Variants in CCM2 observed in about 807,000 individuals in gnomAD.
CCM2 encodes cerebral cavernous malformations 2 protein.
CCM2 carries 25 observed loss-of-function variants against 44.9 expected under a neutral mutation model. The ratio of observed to expected loss-of-function variants is 0.56; its 90% CI spans 0.41 to 0.78. The LOEUF (loss-of-function observed/expected upper bound fraction) is 0.78, where lower values mean the gene tolerates loss of function less well. Among genes scored for constraint, CCM2 ranks in the 30% least tolerant of loss-of-function variants. The pLI, the probability that CCM2 is intolerant of heterozygous loss-of-function variation, is 0.00. For synonymous variants in CCM2, 219 were observed against 241.1 expected, an observed-to-expected ratio of 0.91 and a Z score of 0.85; for missense variants, 481 against 580.6, an observed-to-expected ratio of 0.83 and a Z score of 1.76.
chr7:45,023,787 GTTTTTTTTTTTTTTT>G (rs10596429), intron 1 of CCM2, among the ~76,000 whole-genome samples: 7 of 58,640 alleles, frequency 1.2e-4, no homozygotes, highest in Admixed American at 2.4e-4. Flanking sequence ...CTCTGTATCA[GTTTTTTTTTTTTTTT>G]TTTTTTTTTT....
chr7:45,051,491 G>A (rs911223730), intron 2 of CCM2, among the ~76,000 whole-genome samples: 4 of 152,130 alleles, frequency 2.6e-5, no homozygotes, highest in Admixed American at 1.3e-4. Flanking sequence ...TCTGCCTCCC[G>A]GGTTCATGCC....
At position 45,073,465 on chromosome 7, in the gene CCM2, T is replaced by G. The variant is rs924887021; in HGVS notation, c.809T>G (p.Phe270Cys). ...CATACCACATTCTTTCGCAGCTGCT[T>G]CCCTGAATCTGTGGATGTGGGTGGT... ...TYEVEASTFC[F>C]PESVDVGGAS... The change falls in exon 8 of 10, where the codon TTC becomes TGC. Residue 270 changes from phenylalanine to cysteine, a missense_variant. By Grantham distance (205) the Phe-to-Cys change is radical. Coordinates refer to ENST00000258781, the MANE Select transcript of CCM2 (RefSeq NM_031443.4). 11 of 1,613,092 alleles carry G rather than the reference T, an allele frequency of 6.8e-6. No individual in the cohort carries two copies. Among genetic ancestry groups the G allele is most frequent in the Non-Finnish European group, 9.3e-6 (11 of 1,179,564 alleles).
chr7:45,041,178 A>G (rs1236508739), intron 2 of CCM2, among the ~76,000 whole-genome samples: 1 of 152,226 alleles, frequency 6.6e-6, no homozygotes, highest in Non-Finnish European at 1.5e-5. Context: ...ATGTTTGGGT[A>G]GAATAATGTA....
At chr7:45,070,121 G>A in intron 6 of CCM2, 160 bp downstream of exon 6, 1 of 840,960 alleles carries the variant, frequency 1.2e-6, no homozygotes, top group Non-Finnish European at 1.9e-6. Context: ...AGCCCATAGG[G>A]TTTCATGAAG....
chr7:45,063,813 G>A (rs1164939717), intron 2 of CCM2, 105 bp from the exon 3 acceptor site: 5 of 806,874 alleles, frequency 6.2e-6, no homozygotes, highest in African/African-American at 1.7e-5. Flanking sequence ...CCATGGGCCT[G>A]GTGGCCTGAG....
chr7:45,050,811 A>G (rs1363621431), intron 2 of CCM2, among the ~76,000 whole-genome samples: 2 of 152,116 alleles, frequency 1.3e-5, no homozygotes, highest in Admixed American at 1.3e-4. Context: ...GTCTTTGTTC[A>G]TCATTGTCTT....
intron 5 of CCM2, among the ~76,000 whole-genome samples, chr7:45,068,855 C>T (rs1798916186): frequency 6.6e-6 from 1 of 152,236 alleles, no homozygotes; most frequent in Non-Finnish European, 1.5e-5. Flanking sequence ...AGGCTCCCCA[C>T]CGGTTCCCAC....
chr7:45,067,225 G>T (rs533034004), intron 4 of CCM2, among the ~76,000 whole-genome samples: 12 of 135,002 alleles, frequency 8.9e-5, no homozygotes, highest in Non-Finnish European at 1.6e-4. Context: ...CAAGTTTGGT[G>T]CTTGTTGCCC....
rs1388416176 is a variant in CCM2, at chr7:45,074,393, AAGTTC to A, written c.1040_1044del (p.Lys347ThrfsTer11). 6.2e-7 allele frequency: 1 copy of A among 1,613,418 alleles called. No individual in the cohort carries two copies. The highest frequency in any genetic ancestry group is 1.1e-5 in the South Asian group (1 of 91,032). ...GCGGCAGCTCTACGGGGACAGCCGC[AAGTTC>A]CTGCTGCTTGGTGAGTGGGCCCTGG... On this transcript the variant is annotated frameshift_variant, in exon 9 of 10. Coordinates refer to ENST00000258781, the MANE Select transcript of CCM2 (RefSeq NM_031443.4). LOFTEE classifies it high-confidence loss of function.
intron 1 of CCM2, among the ~76,000 whole-genome samples, chr7:45,000,728 C>T (rs1001820140): frequency 8.5e-5 from 13 of 152,258 alleles, no homozygotes; most frequent in African/African-American, 3.1e-4. Context: ...GAGACGTTTG[C>T]TGCTCACTGG....
intron 7 of CCM2, 139 bp from the exon 8 acceptor site, chr7:45,073,321 C>CTCA (rs1049745277): frequency 1.7e-4 from 117 of 672,680 alleles, no homozygotes; most frequent in Admixed American, 3.5e-4. Context: ...CAGCTCTCCT[C>CTCA]TCATCATCAT....
In CCM2 at chr7:45,068,465, C is replaced by G. The variant is rs1417173223; in HGVS notation, c.495C>G (p.Pro165=). Residue 165 remains proline (P), a synonymous_variant, in exon 5 of 10, where the codon CCC becomes CCG. Transcript: ENST00000258781. ...LKTAQDPGIS[P]SQSLCAESSR... ...CAGCCCAGGACCCAGGGATCTCCCC[C>G]AGCCAGAGTCTGTGTGCGGAAAGTT... 6.2e-7 allele frequency: 1 copy of G among 1,614,068 alleles called. No homozygotes were observed. The highest frequency in any genetic ancestry group is 1.7e-5 in the Admixed American group (1 of 60,006).
chr7:45,031,314 G>A (rs1409804290), intron 1 of CCM2, among the ~76,000 whole-genome samples: 4 of 148,510 alleles, frequency 2.7e-5, no homozygotes, highest in Non-Finnish European at 6.0e-5. Context: ...CCCGGGAGGT[G>A]GAGGTTGCAG....
intron 1 of CCM2, among the ~76,000 whole-genome samples, chr7:45,012,852 ACTTT>A (rs1033245332): frequency 1.4e-4 from 22 of 151,822 alleles, no homozygotes; most frequent in African/African-American, 5.3e-4. Flanking sequence ...TGGCTACCCC[ACTTT>A]CTTATGCTGC....
rs774965400 is a variant in CCM2 at position 45,038,400 on chromosome 7, A to G, written c.178A>G (p.Ser60Gly). 6.2e-7 allele frequency: 1 copy of G among 1,614,082 alleles called. No homozygotes were observed. Among genetic ancestry groups the G allele is most frequent in the Admixed American group, 1.7e-5 (1 of 60,020 alleles). The change falls in exon 2 of 10, where the codon AGC (serine) becomes GGC (glycine). Residue 60 changes from serine to glycine, a missense_variant. Physicochemically the swap from Ser to Gly is moderately conservative, Grantham distance 56. Coordinates refer to ENST00000258781, the MANE Select transcript of CCM2 (RefSeq NM_031443.4). Reference protein sequence around the residue: ...PERVEPDRLLSDYIEKEVKYL... With the variant: ...PERVEPDRLLGDYIEKEVKYL... ...GCGCGTCGAGCCAGACAGACTGCTG[A>G]GCGACTATATTGAGAAGGAGGTAAA...
intron 1 of CCM2, among the ~76,000 whole-genome samples, chr7:45,000,914 A>G (rs1795590926): frequency 6.6e-6 from 1 of 152,256 alleles, no homozygotes; most frequent in Admixed American, 6.5e-5. Context: ...TAGTTTTACA[A>G]AATGTGGCTT....
intron 1 of CCM2, among the ~76,000 whole-genome samples, chr7:45,001,015 G>A (rs1795598305): frequency 6.6e-6 from 1 of 152,166 alleles, no homozygotes; most frequent in African/African-American, 2.4e-5. Flanking sequence ...AGTGGAAAAT[G>A]GATTTTAATA....
chr7:45,032,886 C>A (rs953680114), intron 1 of CCM2, among the ~76,000 whole-genome samples: 1 of 151,786 alleles, frequency 6.6e-6, no homozygotes, highest in Admixed American at 6.6e-5. Context: ...ACTAAAAATA[C>A]TAAAATTAGC....
At chr7:45,023,545 G>T (rs559625061) in intron 1 of CCM2, among the ~76,000 whole-genome samples, 1 of 152,150 alleles carries the variant, frequency 6.6e-6, no homozygotes, top group African/African-American at 2.4e-5. Flanking sequence ...GTGAGACTCC[G>T]TCTCAAAAAA....
Sources: gnomAD v4.1 joint callset for allele counts (sites outside exome capture counted in the v4.1 genomes callset) on GRCh38, gnomAD v4.1.1 for gene constraint, MANE v1.5 for transcripts, NCBI Gene and HGNC (gene_info 2026-07-23, HGNC 2026-07-21) for gene names.